The following CACNA1C variants were observed in gnomAD, a reference collection of about 807,000 sequenced individuals.
The protein encoded by CACNA1C is calcium voltage-gated channel subunit alpha1 C.
Under a neutral mutation model 229.0 loss-of-function variants are expected in CACNA1C, and 30 were observed. That is an observed-to-expected ratio of 0.13 (90% CI 0.10 to 0.18). The LOEUF (loss-of-function observed/expected upper bound fraction) is 0.18. Ranked by LOEUF, CACNA1C falls within the 10% of genes least tolerant of loss-of-function variation. The pLI is 1.00. For synonymous variants in CACNA1C, 1,114 were observed against 1,132.5 expected, an observed-to-expected ratio of 0.98 and a Z score of 0.33; for missense variants, 1,658 against 2,845.0, an observed-to-expected ratio of 0.58 and a Z score of 9.49.
At chr12:2,342,607 C>A (rs2096897235) in intron 3 of CACNA1C, among the ~76,000 whole-genome samples, 1 of 152,190 alleles carries the variant, frequency 6.6e-6, no homozygotes, top group South Asian at 2.1e-4. Flanking sequence ...CATACTGAAG[C>A]CCCCTGGCCT....
intron 9 of CACNA1C, among the ~76,000 whole-genome samples, chr12:2,521,673 C>T (rs766544016): frequency 1.3e-5 from 2 of 152,198 alleles, no homozygotes; most frequent in South Asian, 4.1e-4. Context: ...TCAGTGCCTG[C>T]GTTCAGTCAG....
chr12:2,096,983 C>T (rs1056432655), intron 1 of CACNA1C, among the ~76,000 whole-genome samples: 12 of 152,106 alleles, frequency 7.9e-5, no homozygotes, highest in South Asian at 2.1e-4. Context: ...CATTTGTTGA[C>T]GGACACTTGG....
At chr12:2,185,479 G>A (rs1040397288) in intron 3 of CACNA1C, among the ~76,000 whole-genome samples, 1 of 152,232 alleles carries the variant, frequency 6.6e-6, no homozygotes, top group African/African-American at 2.4e-5. Flanking sequence ...TGGAGACAGG[G>A]TCTTTAAAGA....
Position 2,067,345 on chromosome 12 carries a change from G to A in CACNA1C, c.49+13734G>A, listed in dbSNP as rs1328265895. 6.6e-6 allele frequency among the ~76,000 whole-genome samples: 1 copy of A among 151,982 alleles called. No homozygotes were observed. Among genetic ancestry groups the A allele is most frequent in the Non-Finnish European group, 1.5e-5 (1 of 67,984 alleles). On this transcript the variant is annotated intron_variant, in intron 1 of 46. Coordinates refer to ENST00000399655, the MANE Select transcript of CACNA1C (RefSeq NM_000719.7). The surrounding 1 kb of genome is among the most constrained non-coding windows in gnomAD (Gnocchi z 5.3). ...TGAGTGGATGCACAAAGGGCCAGGT[G>A]GACTTTCTTTGGGGAGCATAACAGG...
intron 1 of CACNA1C, among the ~76,000 whole-genome samples, chr12:1,983,445 G>A (rs1348266209): frequency 6.6e-6 from 1 of 151,884 alleles, no homozygotes; most frequent in African/African-American, 2.4e-5. Context: ...TTGTTATTCA[G>A]TTCAAATGTT....
rs566617127 is a variant in CACNA1C at position 2,097,695 on chromosome 12, G to A, written c.50-17529G>A. ...GGCTGTTCCTAGCTGGGGGCCCCTT[G>A]GGTTGAGCTTGCCCTGTAAGCACAG... On this transcript the variant is annotated intron_variant, in intron 1 of 46. Transcript: ENST00000399655. Among the ~76,000 whole-genome samples, 19 of 152,330 alleles carry A rather than the reference G, an allele frequency of 1.2e-4. No homozygotes were observed. The South Asian group carries it at 2.1e-3, about 17-fold the overall frequency.
intron 22 of CACNA1C, chr12:2,603,619 ACCTGTCTCCTGCT>A (rs1376178383): frequency 6.6e-6 from 1 of 152,062 alleles, no homozygotes; most frequent in Non-Finnish European, 1.5e-5. Context: ...TTGCTTAGGG[ACCTGTCTCCTGCT>A]GTCTCCATTG....
Position 2,512,723 on chromosome 12 carries a change from T to C in CACNA1C, c.1218-89T>C. The C allele has an allele frequency of 2.0e-6, 2 of 978,976 alleles. No homozygotes were observed. Among genetic ancestry groups the C allele is most frequent in the Non-Finnish European group, 3.0e-6 (2 of 675,458 alleles). 60.6% of individuals were successfully genotyped at this position (978,976 alleles called of 1,614,324 possible). On this transcript the variant is annotated intron_variant, in intron 8 of 46. Coordinates refer to ENST00000399655, the MANE Select transcript of CACNA1C (RefSeq NM_000719.7). The surrounding 1 kb of genome is among the most constrained non-coding windows in gnomAD (Gnocchi z 4.3). ...CAATTAAGACTCTTGTTTCTCCTTATCTCCATCTCTCCTTCCATCCTCGAC... is the reference window on the plus strand; with the variant it reads ...CAATTAAGACTCTTGTTTCTCCTTACCTCCATCTCTCCTTCCATCCTCGAC...
rs1332865158 is a variant in CACNA1C, at chr12:2,468,463, A to C, written c.757+10757A>C. 9.0e-3 allele frequency among the ~76,000 whole-genome samples: 1,377 copies of C among 152,334 alleles called. 21 individuals carry two copies. The highest frequency in any genetic ancestry group is 0.031 in the African/African-American group (1,308 of 41,578). On this transcript the variant is annotated intron_variant, in intron 5 of 46. Coordinates refer to ENST00000399655, the MANE Select transcript of CACNA1C (RefSeq NM_000719.7). ...AGTGGTCTAGAAACACAGGGACGTT[A>C]TCCCTAATTTAGAGATAGGCAAATC...
At chr12:2,686,919 T>C (rs1461228106) in intron 45 of CACNA1C, among the ~76,000 whole-genome samples, 2 of 152,118 alleles carry the variant, frequency 1.3e-5, no homozygotes, top group East Asian at 3.9e-4. Flanking sequence ...TAAACCTGGG[T>C]TTCCCAACAT....
intron 3 of CACNA1C, among the ~76,000 whole-genome samples, chr12:2,219,754 C>T (rs12302646): frequency 0.098 from 14,880 of 152,108 alleles, 2,375 homozygotes; most frequent in African/African-American, 0.34. Context: ...CTTGCTTTCA[C>T]GAACACTGAG....
intron 3 of CACNA1C, among the ~76,000 whole-genome samples, chr12:2,306,091 C>G (rs2094993341): frequency 6.6e-6 from 1 of 152,226 alleles, no homozygotes; most frequent in Non-Finnish European, 1.5e-5. Flanking sequence ...GGCAGCCTCA[C>G]TGCAGTCCTT....
In CACNA1C at chr12:2,236,631, C is replaced by G. The variant is rs969497593; in HGVS notation, c.477+116201C>G. ...CTTTAGTCCTAACTTTTCTCAGTTA[C>G]CATTATATGCAGTTCTCCCAGCCAC... is the stretch of plus-strand genomic sequence containing the variant. On this transcript the variant is annotated intron_variant, in intron 3 of 46. Coordinates refer to ENST00000399655, the MANE Select transcript of CACNA1C (RefSeq NM_000719.7). 5.3e-5 allele frequency among the ~76,000 whole-genome samples: 8 copies of G among 152,194 alleles called. No individual in the cohort carries two copies. The East Asian group carries it at 9.7e-4, about 18-fold the overall frequency.
intron 29 of CACNA1C, among the ~76,000 whole-genome samples, chr12:2,621,687 T>C (rs1042267816): frequency 2.6e-5 from 4 of 152,072 alleles, no homozygotes; most frequent in African/African-American, 9.7e-5. Flanking sequence ...GGCAGAGTCA[T>C]GACATCACTG....
Position 2,054,271 on chromosome 12 carries a change from C to T in CACNA1C, c.49+660C>T, listed in dbSNP as rs531769130. On this transcript the variant is annotated intron_variant, in intron 1 of 46. Transcript: ENST00000399655. This position sits in a 1 kb window ranked among gnomAD's most constrained non-coding sequence, Gnocchi z 5.5. Reference sequence around the variant, plus strand: ...TCCCTCCTCCGCCGCTCACCTACACCCACCCACCTCTCCACTGCTGTTGAC... The same window carrying T: ...TCCCTCCTCCGCCGCTCACCTACACTCACCCACCTCTCCACTGCTGTTGAC... 6.6e-6 allele frequency among the ~76,000 whole-genome samples: 1 copy of T among 152,184 alleles called. No homozygotes were observed. Among genetic ancestry groups the T allele is most frequent in the African/African-American group, 2.4e-5 (1 of 41,454 alleles).
intron 3 of CACNA1C, among the ~76,000 whole-genome samples, chr12:2,407,811 T>C (rs1003956800): frequency 3.9e-5 from 6 of 152,292 alleles, no homozygotes; most frequent in Non-Finnish European, 8.8e-5. Flanking sequence ...ATGTCGAGCA[T>C]CTTTTCATGT....
intron 4 of CACNA1C, among the ~76,000 whole-genome samples, chr12:2,453,440 C>T (rs1447515578): frequency 6.6e-6 from 1 of 152,140 alleles, no homozygotes; most frequent in Non-Finnish European, 1.5e-5. Flanking sequence ...CTCCTTGATC[C>T]CACGCCCCTC....
intron 3 of CACNA1C, among the ~76,000 whole-genome samples, chr12:2,352,061 A>T (rs1453250883): frequency 6.6e-6 from 1 of 152,210 alleles, no homozygotes; most frequent in Non-Finnish European, 1.5e-5. Flanking sequence ...AATGCAGCAC[A>T]ATCACCCTGT....
intron 5 of CACNA1C, 105 bp downstream of exon 5, chr12:2,457,811 A>T: frequency 9.8e-7 from 1 of 1,018,906 alleles, no homozygotes; most frequent in Non-Finnish European, 1.3e-6. Flanking sequence ...ATTCCATATA[A>T]ATGGAGGGGT....
Sources: allele counts gnomAD v4.1 joint callset (sites outside exome capture counted in the v4.1 genomes callset), GRCh38; gene constraint gnomAD v4.1.1; non-coding constraint Gnocchi (gnomAD v3.1); transcripts MANE v1.5; gene names NCBI Gene and HGNC (gene_info 2026-07-23, HGNC 2026-07-21).